The following STAT3 variants were observed in gnomAD, a reference collection of about 807,000 sequenced individuals.
STAT3 encodes signal transducer and activator of transcription 3.
Under a neutral mutation model 114.3 loss-of-function variants are expected in STAT3, and 7 were observed. The observed-to-expected ratio is 0.06, with a 90% CI of 0.03 to 0.11. The LOEUF is 0.11. Ranked by LOEUF, STAT3 falls within the 10% of genes least tolerant of loss-of-function variation. The pLI is 1.00. For missense variants in STAT3, 364 were observed against 960.9 expected, an observed-to-expected ratio of 0.38 and a Z score of 8.21; for synonymous variants, 331 against 354.5, an observed-to-expected ratio of 0.93 and a Z score of 0.74.
intron 4 of STAT3, among the ~76,000 whole-genome samples, chr17:42,339,731 G>T (rs775949150): frequency 2.0e-5 from 3 of 152,106 alleles, no homozygotes; most frequent in East Asian, 1.9e-4. Context: ...CTACTTAAAC[G>T]TGGTGTCCAG....
At position 42,331,482 on chromosome 17, in the gene STAT3, A is replaced by G; in HGVS notation, c.1099T>C (p.Cys367Arg). The G allele has an allele frequency of 6.2e-7, 1 of 1,613,928 alleles. No individual in the cohort carries two copies. The highest frequency in any genetic ancestry group is 1.7e-5 in the Admixed American group (1 of 60,014). ...ELNYQLKIKV[C>R]IDKDSGDVAA... is the part of the protein sequence containing the mutation. Reference sequence around the variant, plus strand: ...GATAGGAGTACTTACTTGTCAATGCACACTTTAATTTTAAGCTGATAATTC... The same window carrying G: ...GATAGGAGTACTTACTTGTCAATGCGCACTTTAATTTTAAGCTGATAATTC... The change falls in exon 11 of 24, where the codon TGC becomes CGC. Residue 367 changes from cysteine to arginine, a missense_variant. Physicochemically the swap from Cys to Arg is radical, Grantham distance 180 (BLOSUM62 -3). Transcript: ENST00000264657.
In STAT3 at chr17:42,314,968, C is replaced by G. The variant is rs931643946; in HGVS notation, c.*777G>C. 1.6e-4 allele frequency: 27 copies of G among 173,192 alleles called. No individual in the cohort carries two copies. The highest frequency in any genetic ancestry group is 1.8e-4 in the Non-Finnish European group (15 of 81,436). 10.7% of individuals were successfully genotyped at this position (173,192 alleles called of 1,614,324 possible). A position where few individuals can be genotyped will look rare whatever the true frequency, so the allele number is the denominator to read the frequency against. The stretch of plus-strand genomic sequence containing the variant: ...CTCCGCCTCTCAGGTTCAAGCGATT[C>G]TCCTGCCTCAGCCTCCCGAGTAGCT... On this transcript the variant is annotated 3_prime_UTR_variant, in exon 24 of 24. Transcript: ENST00000264657.
In STAT3 at chr17:42,329,510, C is replaced by T. The variant is rs200171210; in HGVS notation, c.1233+44G>A. ...CTGTGAGGCTCTCCCTAGCCCTCTC[C>T]GGCAGCCAGAGGCCCTTTGTGAAGG... On this transcript the variant is annotated intron_variant, in intron 13 of 23. Transcript: ENST00000264657. The T allele has an allele frequency of 6.2e-6, 10 of 1,614,132 alleles. No individual in the cohort carries two copies. The East Asian group carries it at 6.7e-5, about 11-fold the overall frequency.
Position 42,334,437 on chromosome 17 carries a change from G to GA in STAT3, c.798-389_798-388insT, listed in dbSNP as rs1195389257. On this transcript the variant is annotated intron_variant, in intron 8 of 23. Coordinates refer to ENST00000264657, the MANE Select transcript of STAT3 (RefSeq NM_139276.3). ...TTACAGGTGTAAGCCACTGCGCCTG[G>GA]CCTTTTTTTTTTTTTTTTTTTTTTT... is the stretch of plus-strand genomic sequence containing the variant. Among the ~76,000 whole-genome samples, 410 of 132,760 alleles carry GA rather than the reference G, an allele frequency of 3.1e-3. 7 individuals are homozygous for GA. Among genetic ancestry groups the GA allele is most frequent in the African/African-American group, 0.011 (388 of 34,702 alleles). The allele number at this position is 132,760 out of a possible 152,430, so 87.1% of individuals were successfully genotyped here. A position where few individuals can be genotyped will look rare whatever the true frequency, so the allele number is the denominator to read the frequency against.
chr17:42,365,717 G>A (rs1185841896), intron 1 of STAT3, among the ~76,000 whole-genome samples: 2 of 149,818 alleles, frequency 1.3e-5, no homozygotes, highest in African/African-American at 4.9e-5. Context: ...GTGCAGTGGC[G>A]TGATCTTGGC....
intron 1 of STAT3, among the ~76,000 whole-genome samples, chr17:42,384,745 G>A (rs577695125): frequency 1.3e-5 from 2 of 151,326 alleles, no homozygotes; most frequent in Admixed American, 6.6e-5. Context: ...TAGGGGAGAG[G>A]GAGTTTTACC....
At chr17:42,385,068 G>A (rs1055641045) in intron 1 of STAT3, among the ~76,000 whole-genome samples, 1 of 152,162 alleles carries the variant, frequency 6.6e-6, no homozygotes, top group African/African-American at 2.4e-5. Context: ...TACCTTGTTA[G>A]CACAAGTGTA....
At chr17:42,347,364 G>A (rs1446349902) in intron 2 of STAT3, among the ~76,000 whole-genome samples, 1 of 152,166 alleles carries the variant, frequency 6.6e-6, no homozygotes. Flanking sequence ...ATCCCAGGCT[G>A]GGATGGCCTA....
intron 1 of STAT3, among the ~76,000 whole-genome samples, chr17:42,384,635 G>A (rs954528129): frequency 6.6e-6 from 1 of 151,754 alleles, no homozygotes; most frequent in Admixed American, 6.6e-5. Flanking sequence ...GCTCACTGCA[G>A]CCTTAACCCC....
At chr17:42,339,521 G>T in intron 4 of STAT3, 112 bp from the exon 5 acceptor site, 1 of 1,013,768 alleles carries the variant, frequency 9.9e-7, no homozygotes, top group East Asian at 2.5e-5. Flanking sequence ...TTGAGACGCT[G>T]CTGCCATCAC....
chr17:42,324,654 G>A lies in STAT3; in HGVS notation c.1600+57C>T. ...ACATGGCCCAAATGAACAGCCCTATGGGCCGGATCCCTTTTCTGGGCGGGT... is the reference window on the plus strand; with the variant it reads ...ACATGGCCCAAATGAACAGCCCTATAGGCCGGATCCCTTTTCTGGGCGGGT... On this transcript the variant is annotated intron_variant, in intron 17 of 23. Coordinates refer to ENST00000264657, the MANE Select transcript of STAT3 (RefSeq NM_139276.3). This position sits in a 1 kb window ranked among gnomAD's most constrained non-coding sequence, Gnocchi z 4.5. The A allele has an allele frequency of 5.9e-6, 9 of 1,535,556 alleles. No individual in the cohort carries two copies. Among genetic ancestry groups the A allele is most frequent in the Non-Finnish European group, 7.9e-6 (9 of 1,140,364 alleles).
chr17:42,342,965 C>G (rs1444858925), intron 4 of STAT3, among the ~76,000 whole-genome samples: 1 of 146,904 alleles, frequency 6.8e-6, no homozygotes, highest in African/African-American at 2.6e-5. Flanking sequence ...AGGAGTTCAA[C>G]ACCAGCCTGG....
At chr17:42,320,893 A>T (rs1022179744) in intron 21 of STAT3, among the ~76,000 whole-genome samples, 2 of 151,906 alleles carry the variant, frequency 1.3e-5, no homozygotes, top group African/African-American at 4.8e-5. Flanking sequence ...CCCCCTCCAC[A>T]CTGAGGACAG....
At chr17:42,319,496 C>T (rs985010708) in intron 21 of STAT3, among the ~76,000 whole-genome samples, 6 of 134,672 alleles carry the variant, frequency 4.5e-5, no homozygotes, top group Non-Finnish European at 7.6e-5. Flanking sequence ...GAAGCAAGAT[C>T]GCGCCACTGC....
chr17:42,319,932 A>C (rs951713030), intron 21 of STAT3, among the ~76,000 whole-genome samples: 1 of 152,210 alleles, frequency 6.6e-6, no homozygotes, highest in Non-Finnish European at 1.5e-5. Context: ...TCTCCTGATG[A>C]GTGCCTGGCC....
intron 1 of STAT3, among the ~76,000 whole-genome samples, chr17:42,368,580 C>T (rs1250011183): frequency 6.6e-6 from 1 of 152,154 alleles, no homozygotes; most frequent in African/African-American, 2.4e-5. Context: ...CTGCCTCAGC[C>T]TCCCTGGTAG....
intron 1 of STAT3, among the ~76,000 whole-genome samples, chr17:42,373,884 CAAA>C (rs34354144): frequency 1.0e-4 from 11 of 106,540 alleles, no homozygotes; most frequent in Admixed American, 1.1e-4. Context: ...GACTCCGTCT[CAAA>C]AAAAAAAAAA....
At position 42,388,430 on chromosome 17, in the gene STAT3, C is replaced by T. The variant is rs1460196765; in HGVS notation, c.-175G>A. On this transcript the variant is annotated 5_prime_UTR_variant, in exon 1 of 24. Transcript: ENST00000264657. ...TCCAGGATCCGGTTGGGGCTTGTTC[C>T]CTCGGCTGCGACGTCGGAACCCCCG... The T allele has an allele frequency of 3.2e-6, 4 of 1,231,754 alleles. No individual in the cohort carries two copies. Among genetic ancestry groups the T allele is most frequent in the Admixed American group, 4.2e-5 (1 of 23,704 alleles). 76.3% of individuals were successfully genotyped at this position (1,231,754 alleles called of 1,614,324 possible).
At chr17:42,370,767 TA>T (rs2084077008) in intron 1 of STAT3, among the ~76,000 whole-genome samples, 1 of 147,632 alleles carries the variant, frequency 6.8e-6, no homozygotes, top group Non-Finnish European at 1.5e-5. Context: ...AACACCCAGC[TA>T]ATTTTTTTTT....
Sources: gnomAD v4.1 joint callset for allele counts (sites outside exome capture counted in the v4.1 genomes callset) on GRCh38, gnomAD v4.1.1 for gene constraint, Gnocchi (gnomAD v3.1) non-coding constraint, MANE v1.5 for transcripts, NCBI Gene and HGNC (gene_info 2026-07-23, HGNC 2026-07-21) for gene names.